Variants in NR1H4 observed in about 807,000 individuals in gnomAD.
NR1H4 encodes bile acid receptor.
NR1H4 carries 23 observed loss-of-function variants against 58.5 expected under a neutral mutation model. The ratio of observed to expected loss-of-function variants is 0.39; its 90% CI spans 0.28 to 0.56. The LOEUF (loss-of-function observed/expected upper bound fraction) is 0.56. Among genes scored for constraint, NR1H4 ranks in the 20% least tolerant of loss-of-function variants. The pLI, the probability that NR1H4 is intolerant of heterozygous loss-of-function variation, is 0.58. For missense variants in NR1H4, 487 were observed against 576.9 expected (o/e 0.84, Z 1.60); for synonymous variants, 214 against 198.0 (o/e 1.08, Z -0.68).
intron 1 of NR1H4, among the ~76,000 whole-genome samples, chr12:100,481,085 C>T (rs1953369909): frequency 1.3e-5 from 2 of 152,112 alleles, no homozygotes; most frequent in Admixed American, 6.5e-5. Flanking sequence ...TTCTGTTGGT[C>T]AACGAATTTA....
At chr12:100,506,650 C>T (rs111372561) in intron 3 of NR1H4, among the ~76,000 whole-genome samples, 2,812 of 152,066 alleles carry the variant, frequency 0.018, 40 homozygotes, top group Non-Finnish European at 0.032. Context: ...CTGGGTTACA[C>T]GCACCTGCCA....
At chr12:100,526,934 C>A (rs576592387) in intron 4 of NR1H4, among the ~76,000 whole-genome samples, 1 of 152,124 alleles carries the variant, frequency 6.6e-6, no homozygotes, top group Non-Finnish European at 1.5e-5. Context: ...AGAAAAATTG[C>A]AGCTTTTGTC....
chr12:100,518,686 G>A (rs1372136500), intron 4 of NR1H4, among the ~76,000 whole-genome samples: 1 of 151,864 alleles, frequency 6.6e-6, no homozygotes, highest in Non-Finnish European at 1.5e-5. Context: ...CATAGAAAAT[G>A]AGCATAGCTA....
chr12:100,516,916 C>A (rs967310931), intron 4 of NR1H4, among the ~76,000 whole-genome samples: 1 of 152,072 alleles, frequency 6.6e-6, no homozygotes, highest in Admixed American at 6.6e-5. Flanking sequence ...TTATGATTGA[C>A]ATAATAATTG....
At chr12:100,539,914 G>A (rs1253727321) in intron 8 of NR1H4, among the ~76,000 whole-genome samples, 1 of 152,138 alleles carries the variant, frequency 6.6e-6, no homozygotes, top group East Asian at 1.9e-4. Context: ...AGCAGGGCAT[G>A]GGGCATGGGG....
At chr12:100,517,025 T>C (rs1402350121) in intron 4 of NR1H4, among the ~76,000 whole-genome samples, 1 of 152,112 alleles carries the variant, frequency 6.6e-6, no homozygotes. Context: ...TTATCATTTC[T>C]TCATTATGAG....
intron 9 of NR1H4, among the ~76,000 whole-genome samples, chr12:100,545,671 C>CAAAAAAAAAAAAAA (rs1491301660): frequency 7.5e-5 from 4 of 53,308 alleles, no homozygotes; most frequent in African/African-American, 3.6e-4. Context: ...AAAAAAAAAC[C>CAAAAAAAAAAAAAA]AAACGGGGGG....
chr12:100,479,807 TCTTCCAACA>T (rs1433404356), intron 1 of NR1H4, among the ~76,000 whole-genome samples: 3 of 152,252 alleles, frequency 2.0e-5, no homozygotes, highest in Non-Finnish European at 2.9e-5. Context: ...CTTGTGTTGT[TCTTCCAACA>T]CTCCAAGCCC....
chr12:100,554,772 A>G (rs1955286332), intron 9 of NR1H4, among the ~76,000 whole-genome samples: 1 of 152,206 alleles, frequency 6.6e-6, no homozygotes, highest in Non-Finnish European at 1.5e-5. Context: ...TTCTCCAGGA[A>G]GAAGGAAGCA....
At chr12:100,511,732 G>T (rs1176854994) in intron 4 of NR1H4, among the ~76,000 whole-genome samples, 2 of 150,988 alleles carry the variant, frequency 1.3e-5, no homozygotes, top group African/African-American at 4.9e-5. Context: ...GACCAGCCTG[G>T]CCAACACGGT....
intron 1 of NR1H4, among the ~76,000 whole-genome samples, chr12:100,474,891 G>A (rs910008758): frequency 1.3e-5 from 2 of 152,170 alleles, no homozygotes; most frequent in South Asian, 2.1e-4. Context: ...GCTGTTTCTG[G>A]TGCTGTCTTA....
At chr12:100,515,737 A>G (rs1566449104) in intron 4 of NR1H4, among the ~76,000 whole-genome samples, 1 of 152,242 alleles carries the variant, frequency 6.6e-6, no homozygotes, top group East Asian at 1.9e-4. Context: ...ATTGATTTAC[A>G]TATCGTGTAA....
intron 1 of NR1H4, among the ~76,000 whole-genome samples, chr12:100,477,498 AATT>A (rs1216055990): frequency 3.3e-5 from 5 of 152,194 alleles, no homozygotes; most frequent in African/African-American, 1.2e-4. Context: ...ATTACACTTT[AATT>A]AATGTTATTA....
rs34055370 is a variant in NR1H4, at chr12:100,518,788, C to CTTT, written c.445+7665_445+7667dup. ...GCTGAACACTGTTCTTGACCAATGA[C>CTTT]TTTTTTTTTTTTTTTTTTTTTTGAG... On this transcript the variant is annotated intron_variant, in intron 4 of 10. Coordinates refer to ENST00000392986, the MANE Select transcript of NR1H4 (RefSeq NM_001206979.2). 1.4e-3 allele frequency among the ~76,000 whole-genome samples: 163 copies of CTTT among 119,260 alleles called. 2 individuals are homozygous for CTTT. The highest frequency in any genetic ancestry group is 6.2e-3 in the East Asian group (25 of 4,018). 78.2% of individuals were successfully genotyped at this position (119,260 alleles called of 152,430 possible).
chr12:100,499,447 G>T (rs568017509), intron 3 of NR1H4, among the ~76,000 whole-genome samples: 10 of 152,238 alleles, frequency 6.6e-5, no homozygotes, highest in African/African-American at 9.6e-5. Flanking sequence ...TGTTACTTTG[G>T]TTTTTTCTTT....
chr12:100,488,015 CTTTTT>C (rs1172855861), intron 1 of NR1H4, among the ~76,000 whole-genome samples: 1 of 151,726 alleles, frequency 6.6e-6, no homozygotes, highest in Non-Finnish European at 1.5e-5. Context: ...TCTTTCTTTT[CTTTTT>C]GAGATGGAAT....
chr12:100,499,937 T>C, intron 3 of NR1H4: 1 of 456,048 alleles, frequency 2.2e-6, no homozygotes. Context: ...TTACTTGCCT[T>C]ATTTAAATAA....
intron 9 of NR1H4, among the ~76,000 whole-genome samples, chr12:100,549,732 A>G (rs1336167076): frequency 6.6e-6 from 1 of 152,182 alleles, no homozygotes; most frequent in Non-Finnish European, 1.5e-5. Flanking sequence ...CTTTCTCCAA[A>G]TATCAACCAT....
chr12:100,526,585 G>A (rs377730832), intron 4 of NR1H4, among the ~76,000 whole-genome samples: 5 of 152,222 alleles, frequency 3.3e-5, no homozygotes, highest in African/African-American at 4.8e-5. Flanking sequence ...AGGATCGTGC[G>A]CAAACCTCAG....
Sources: gnomAD v4.1 joint callset for allele counts (sites outside exome capture counted in the v4.1 genomes callset) on GRCh38, gnomAD v4.1.1 for gene constraint, MANE v1.5 for transcripts, NCBI Gene and HGNC (gene_info 2026-07-23, HGNC 2026-07-21) for gene names.